HTR3B: variants seen among roughly 807,000 people sequenced by gnomAD.
HTR3B encodes the protein 5-hydroxytryptamine receptor 3B, also known as 5-hydroxytryptamine (serotonin) receptor 3B, ionotropic.
A neutral mutation model predicts 42.8 loss-of-function variants in HTR3B; 44 were observed. That is an observed-to-expected ratio of 1.03 (90% CI 0.81 to 1.32). The LOEUF is 1.32. HTR3B is among the 40% of genes most tolerant of loss of function. The probability of loss-of-function intolerance (pLI) is 0.00; values close to 1 mark genes in which losing one functional copy is unlikely to be tolerated. For missense variants in HTR3B, 527 were observed against 536.5 expected (o/e 0.98, Z 0.17); for synonymous variants, 203 against 209.0 (o/e 0.97, Z 0.25).
At chr11:113,934,638 T>C (rs1950072859) in intron 6 of HTR3B, among the ~76,000 whole-genome samples, 1 of 152,082 alleles carries the variant, frequency 6.6e-6, no homozygotes, top group Admixed American at 6.5e-5. Flanking sequence ...TCGCAACTCA[T>C]ACCCTCCTGA....
At chr11:113,941,840 C>T (rs543613157) in intron 6 of HTR3B, among the ~76,000 whole-genome samples, 68 of 152,300 alleles carry the variant, frequency 4.5e-4, no homozygotes, top group African/African-American at 1.6e-3. Flanking sequence ...ACCACTCCAG[C>T]CCTTGACTCC....
intron 6 of HTR3B, among the ~76,000 whole-genome samples, chr11:113,942,635 T>C (rs912197115): frequency 2.6e-5 from 4 of 152,200 alleles, no homozygotes; most frequent in African/African-American, 9.7e-5. Flanking sequence ...GTTTGTAAAA[T>C]GAAGTTGATA....
rs1239124961 is a variant in HTR3B at position 113,947,266 on chromosome 11, G to C, written c.*1129G>C. 6.6e-6 allele frequency among the ~76,000 whole-genome samples: 1 copy of C among 152,094 alleles called. No homozygotes were observed. Among genetic ancestry groups the C allele is most frequent in the Non-Finnish European group, 1.5e-5 (1 of 68,026 alleles). ...CTACAGGTGCATGCCACCACACCCA[G>C]CTAATTTTCTGTATTTTAGTAGCAG... On this transcript the variant is annotated 3_prime_UTR_variant, in exon 9 of 9. Transcript: ENST00000260191.
chr11:113,918,730 C>T (rs1284923200), intron 2 of HTR3B, among the ~76,000 whole-genome samples: 1 of 150,608 alleles, frequency 6.6e-6, no homozygotes, highest in Non-Finnish European at 1.5e-5. Flanking sequence ...AGTCTTGGCT[C>T]GCTGCAACCT....
intron 2 of HTR3B, among the ~76,000 whole-genome samples, chr11:113,912,410 A>AT (rs1320205666): frequency 6.6e-6 from 1 of 151,970 alleles, no homozygotes; most frequent in Non-Finnish European, 1.5e-5. Flanking sequence ...CGCCCAGCTA[A>AT]TTTTTTGTAT....
intron 1 of HTR3B, among the ~76,000 whole-genome samples, chr11:113,908,682 G>A (rs550300766): frequency 6.6e-6 from 1 of 152,162 alleles, no homozygotes; most frequent in Non-Finnish European, 1.5e-5. Context: ...CCTGGAACCA[G>A]AGAGAATTTT....
At chr11:113,934,145 G>A (rs1366510607) in intron 6 of HTR3B, among the ~76,000 whole-genome samples, 1 of 152,212 alleles carries the variant, frequency 6.6e-6, no homozygotes, top group Non-Finnish European at 1.5e-5. Context: ...CCAGAACTCT[G>A]GGAGGCCAAG....
At chr11:113,917,593 G>T (rs1949868761) in intron 2 of HTR3B, among the ~76,000 whole-genome samples, 1 of 151,758 alleles carries the variant, frequency 6.6e-6, no homozygotes. Flanking sequence ...TACACATTTA[G>T]ACTTATATTT....
intron 6 of HTR3B, among the ~76,000 whole-genome samples, chr11:113,940,428 C>T (rs1950125598): frequency 6.6e-6 from 1 of 152,190 alleles, no homozygotes; most frequent in Non-Finnish European, 1.5e-5. Flanking sequence ...ACTTGATTCC[C>T]TTTTTCCTGC....
rs1380064732 is a variant in HTR3B, at chr11:113,904,877, G to A, written c.-57G>A. ...GAGGAACCCTGTTAGGAGAAATTGAGCGGCATTCCATCTGGTAGGCAAGTT... is the reference window on the plus strand; with the variant it reads ...GAGGAACCCTGTTAGGAGAAATTGAACGGCATTCCATCTGGTAGGCAAGTT... On this transcript the variant is annotated 5_prime_UTR_variant, in exon 1 of 9. Coordinates refer to ENST00000260191, the MANE Select transcript of HTR3B (RefSeq NM_006028.5). 1 of 1,343,598 alleles carries A rather than the reference G, an allele frequency of 7.4e-7. No homozygotes were observed. Among genetic ancestry groups the A allele is most frequent in the African/African-American group, 1.4e-5 (1 of 69,650 alleles). 83.2% of individuals were successfully genotyped at this position (1,343,598 alleles called of 1,614,324 possible).
intron 2 of HTR3B, among the ~76,000 whole-genome samples, chr11:113,921,775 G>A (rs545717647): frequency 2.1e-4 from 32 of 152,256 alleles, no homozygotes; most frequent in Middle Eastern, 3.4e-3. Flanking sequence ...ACAAAAGAAA[G>A]TAAAATCAGA....
At chr11:113,905,493 T>C (rs961791744) in intron 1 of HTR3B, among the ~76,000 whole-genome samples, 1 of 152,198 alleles carries the variant, frequency 6.6e-6, no homozygotes, top group African/African-American at 2.4e-5. Context: ...AAAATCTATA[T>C]AGGTGATGAG....
intron 6 of HTR3B, among the ~76,000 whole-genome samples, chr11:113,940,495 C>T (rs1346214672): frequency 2.0e-5 from 3 of 152,224 alleles, no homozygotes; most frequent in African/African-American, 7.2e-5. Context: ...TAGAGGGGTG[C>T]AGGCTGATGA....
At chr11:113,932,842 G>A (rs1173486560) in intron 5 of HTR3B, 94 bp from the exon 6 acceptor site, 8 of 1,300,002 alleles carry the variant, frequency 6.2e-6, no homozygotes, top group Non-Finnish European at 8.7e-6. Flanking sequence ...GGGGGCAGGA[G>A]AACGAGGAAG....
At chr11:113,922,012 A>G (rs534683886) in intron 2 of HTR3B, among the ~76,000 whole-genome samples, 1 of 152,278 alleles carries the variant, frequency 6.6e-6, no homozygotes, top group African/African-American at 2.4e-5. Context: ...CAGTACAACA[A>G]TGAGCCTGGA....
At chr11:113,944,376 C>T (rs1485723485) in intron 7 of HTR3B, among the ~76,000 whole-genome samples, 197 bp from the exon 8 acceptor site, 1 of 152,114 alleles carries the variant, frequency 6.6e-6, no homozygotes, top group African/African-American at 2.4e-5. Context: ...TGGTGTGTGC[C>T]TGTAGTCCCA....
chr11:113,934,759 C>CT (rs58163738), intron 6 of HTR3B, among the ~76,000 whole-genome samples: 142,599 of 146,766 alleles, frequency 0.97, 69,276 homozygotes, highest in South Asian at 0.99. Context: ...AGCAAGCAAG[C>CT]TTTTTTTTTT....
intron 2 of HTR3B, among the ~76,000 whole-genome samples, chr11:113,923,207 C>T (rs568785296): frequency 6.6e-6 from 1 of 152,304 alleles, no homozygotes; most frequent in South Asian, 2.1e-4. Context: ...GACAAGGACA[C>T]TCCCAACGTG....
upstream of HTR3B, among the ~76,000 whole-genome samples, chr11:113,901,821 G>T (rs1167802999): frequency 2.0e-5 from 3 of 152,222 alleles, no homozygotes; most frequent in Non-Finnish European, 4.4e-5. Context: ...TAGAGTCATA[G>T]CTTACTACAA....
Sources: gnomAD v4.1 joint callset for allele counts (sites outside exome capture counted in the v4.1 genomes callset) on GRCh38, gnomAD v4.1.1 for gene constraint, MANE v1.5 for transcripts, NCBI Gene and HGNC (gene_info 2026-07-23, HGNC 2026-07-21) for gene names.